MAGI2: variants seen among roughly 807,000 people sequenced by gnomAD.
MAGI2 encodes the protein membrane associated guanylate kinase, WW and PDZ domain containing 2.
MAGI2 carries 35 observed loss-of-function variants against 133.3 expected under a neutral mutation model. That is an observed-to-expected ratio of 0.26 (90% CI 0.20 to 0.35). The LOEUF is 0.35. MAGI2 is among the 10% of genes least tolerant of loss of function. The probability of loss-of-function intolerance (pLI) is 1.00; values close to 1 mark genes in which losing one functional copy is unlikely to be tolerated. For missense variants in MAGI2, 1,636 were observed against 1,863.4 expected (o/e 0.88, Z 2.25); for synonymous variants, 729 against 710.6 (o/e 1.03, Z -0.41).
rs563440457 is a variant in MAGI2, at chr7:78,678,686, A to C, written c.419-51447T>G. ...CTGTTGATTCCTTGAGTGGTGAGTT[A>C]CCACAGTCCTTATCAATATAAAGTC... On this transcript the variant is annotated intron_variant, in intron 2 of 21. Coordinates refer to ENST00000354212, the MANE Select transcript of MAGI2 (RefSeq NM_012301.4). 3.3e-5 allele frequency among the ~76,000 whole-genome samples: 5 copies of C among 152,230 alleles called. No homozygotes were observed. The East Asian group carries it at 9.7e-4, about 29-fold the overall frequency.
At chr7:79,031,333 C>A (rs946496204) in intron 1 of MAGI2, among the ~76,000 whole-genome samples, 1 of 152,106 alleles carries the variant, frequency 6.6e-6, no homozygotes, top group Non-Finnish European at 1.5e-5. Flanking sequence ...GTAGGAGAGA[C>A]AAGCCTGACA....
intron 2 of MAGI2, among the ~76,000 whole-genome samples, chr7:78,701,113 C>A (rs1243802557): frequency 1.3e-5 from 2 of 151,492 alleles, no homozygotes; most frequent in Admixed American, 6.6e-5. Context: ...TCAGTTTTTC[C>A]ATTATAAAAA....
intron 9 of MAGI2, among the ~76,000 whole-genome samples, chr7:78,267,461 C>G (rs1584634496): frequency 6.6e-6 from 1 of 151,934 alleles, no homozygotes; most frequent in South Asian, 2.1e-4. Context: ...AAACTTGGAC[C>G]CTTTTATTTC....
intron 10 of MAGI2, among the ~76,000 whole-genome samples, chr7:78,240,024 T>C (rs777904119): frequency 1.3e-5 from 2 of 152,178 alleles, no homozygotes; most frequent in Non-Finnish European, 2.9e-5. Flanking sequence ...AGGGTACATG[T>C]GCACAACGTG....
Position 79,299,563 on chromosome 7 carries a change from A to AAAAAAAAAAG in MAGI2, c.301+153456_301+153457insCTTTTTTTTT, listed in dbSNP as rs1837222763. 1.3e-5 allele frequency among the ~76,000 whole-genome samples: 2 copies of AAAAAAAAAAG among 150,760 alleles called. 1 individual carries two copies. Among genetic ancestry groups the AAAAAAAAAAG allele is most frequent in the Non-Finnish European group, 3.0e-5 (2 of 67,616 alleles). ...GAGCAAGACTCCATCTCAAAAAAAAAAAAAAAAAAAGATATCTTTATTGTC... is the reference window on the plus strand; with the variant it reads ...GAGCAAGACTCCATCTCAAAAAAAAAAAAAAAAAAGAAAAAAAAAAGATATCTTTATTGTC... On this transcript the variant is annotated intron_variant, in intron 1 of 21. Coordinates refer to ENST00000354212, the MANE Select transcript of MAGI2 (RefSeq NM_012301.4).
Position 78,307,012 on chromosome 7 carries a change from G to C in MAGI2, c.1408+36766C>G, listed in dbSNP as rs191840474. On this transcript the variant is annotated intron_variant, in intron 9 of 21. Transcript: ENST00000354212. ...TTTCCAGAGCACAAAATATACCCTG[G>C]AAAATTAAATTTTGTTTCATTTTCA... Among the ~76,000 whole-genome samples, 13 of 152,100 alleles carry C rather than the reference G, an allele frequency of 8.5e-5. No homozygotes were observed. In the East Asian group the frequency reaches 2.3e-3, roughly 27 times the overall value.
intron 1 of MAGI2, among the ~76,000 whole-genome samples, chr7:79,434,465 GCAAAAATGCATTTCAGAA>G (rs2129189787): frequency 6.6e-6 from 1 of 152,278 alleles, no homozygotes; most frequent in East Asian, 1.9e-4. Context: ...TGAGTTATGA[GCAAAAATGCATTTCAGAA>G]CAAAGTAGGG....
intron 2 of MAGI2, among the ~76,000 whole-genome samples, chr7:78,977,529 G>C (rs1453350799): frequency 7.3e-6 from 1 of 137,324 alleles, no homozygotes; most frequent in Admixed American, 7.1e-5. Context: ...GAAAGAAAGA[G>C]CAAAGACCTT....
intron 1 of MAGI2, among the ~76,000 whole-genome samples, chr7:79,186,692 T>G (rs1361696387): frequency 6.8e-6 from 1 of 147,302 alleles, no homozygotes; most frequent in East Asian, 2.0e-4. Flanking sequence ...CGAGTATATA[T>G]ATTTATACAA....
Position 78,019,178 on chromosome 7 carries a change from T to C in MAGI2, c.*137A>G, listed in dbSNP as rs542487162. 18 of 1,049,490 alleles carry C rather than the reference T, an allele frequency of 1.7e-5. No individual in the cohort carries two copies. The East Asian group carries it at 5.5e-4, about 32-fold the overall frequency. 65.0% of individuals were successfully genotyped at this position (1,049,490 alleles called of 1,614,324 possible). On this transcript the variant is annotated 3_prime_UTR_variant, in exon 22 of 22. Transcript: ENST00000354212. ...CCCAAGCACACCGGACACGTGGGAC[T>C]TCACGTCGATGCTCCCAGGCCTTGG...
At chr7:78,945,861 C>T (rs1385694080) in intron 2 of MAGI2, among the ~76,000 whole-genome samples, 2 of 152,184 alleles carry the variant, frequency 1.3e-5, no homozygotes, top group African/African-American at 2.4e-5. Flanking sequence ...TTGACTTCAT[C>T]TTCGGGATCT....
At chr7:78,216,106 C>T (rs1364651905) in intron 10 of MAGI2, among the ~76,000 whole-genome samples, 2 of 152,322 alleles carry the variant, frequency 1.3e-5, no homozygotes, top group East Asian at 1.9e-4. Flanking sequence ...CTGAGACAGG[C>T]GTAATCTGCC....
intron 2 of MAGI2, among the ~76,000 whole-genome samples, chr7:78,825,514 T>C (rs1404937728): frequency 4.6e-5 from 7 of 152,200 alleles, no homozygotes; most frequent in Non-Finnish European, 1.0e-4. Flanking sequence ...ATTTGTGACA[T>C]CATTTTAAGG....
At position 78,486,860 on chromosome 7, in the gene MAGI2, G is replaced by A. The variant is rs1249457488; in HGVS notation, c.1045+2901C>T. ...GACAGAAAGACAGCAAAGATGTACA[G>A]AGGTGGCACAATTGCCTGACAGATC... On this transcript the variant is annotated intron_variant, in intron 6 of 21. Transcript: ENST00000354212. 2.6e-5 allele frequency: 13 copies of A among 501,878 alleles called. No individual in the cohort carries two copies. In the East Asian group the frequency reaches 6.7e-4, roughly 26 times the overall value. 31.1% of individuals were successfully genotyped at this position (501,878 alleles called of 1,614,324 possible).
At chr7:78,020,212 G>T (rs1175415042) in intron 21 of MAGI2, among the ~76,000 whole-genome samples, 5 of 151,704 alleles carry the variant, frequency 3.3e-5, no homozygotes, top group Non-Finnish European at 5.9e-5. Flanking sequence ...TCCGTGGACC[G>T]GGGAGGCCAA....
At chr7:78,461,726 A>C (rs1311246129) in intron 6 of MAGI2, among the ~76,000 whole-genome samples, 1 of 151,714 alleles carries the variant, frequency 6.6e-6, no homozygotes, top group Non-Finnish European at 1.5e-5. Context: ...AGCCTGACCA[A>C]CATGGAGAAA....
At chr7:78,897,380 AC>A (rs1797292267) in intron 2 of MAGI2, among the ~76,000 whole-genome samples, 1 of 152,164 alleles carries the variant, frequency 6.6e-6, no homozygotes, top group Non-Finnish European at 1.5e-5. Context: ...AAGGTTTCTT[AC>A]CCTTTTTCTG....
At chr7:78,188,578 A>G (rs1390038370) in intron 12 of MAGI2, among the ~76,000 whole-genome samples, 1 of 152,134 alleles carries the variant, frequency 6.6e-6, no homozygotes, top group Non-Finnish European at 1.5e-5. Context: ...TTTATTTATC[A>G]CCTTATTTTA....
intron 2 of MAGI2, among the ~76,000 whole-genome samples, chr7:78,804,082 A>C (rs967557861): frequency 2.6e-5 from 4 of 152,244 alleles, no homozygotes; most frequent in African/African-American, 9.6e-5. Flanking sequence ...ACCCTTTCTA[A>C]TAATAACTAA....
Sources: gnomAD v4.1 joint callset for allele counts (sites outside exome capture counted in the v4.1 genomes callset) on GRCh38, gnomAD v4.1.1 for gene constraint, MANE v1.5 for transcripts, NCBI Gene and HGNC (gene_info 2026-07-23, HGNC 2026-07-21) for gene names.